Variants in TBX19 observed in about 807,000 individuals in gnomAD.
TBX19 encodes T-box transcription factor TBX19.
Under a neutral mutation model 40.9 loss-of-function variants are expected in TBX19, and 33 were observed. That is an observed-to-expected ratio of 0.81 (90% CI 0.61 to 1.08). The LOEUF (loss-of-function observed/expected upper bound fraction) is 1.08. Ranked by LOEUF, TBX19 falls within the 50% of genes least tolerant of loss-of-function variation. The pLI is 0.00. For missense variants in TBX19, 494 were observed against 574.0 expected (o/e 0.86, Z 1.42); for synonymous variants, 220 against 225.0 (o/e 0.98, Z 0.20).
Position 168,300,453 on chromosome 1 carries a change from T to C in TBX19, c.697T>C (p.Ser233Pro). The C allele has an allele frequency of 6.2e-7, 1 of 1,614,182 alleles. No individual in the cohort carries two copies. The highest frequency in any genetic ancestry group is 1.1e-5 in the South Asian group (1 of 91,068). The change falls in exon 5 of 8, where the codon TCT becomes CCT. Residue 233 changes from serine to proline, a missense_variant. Ser to Pro is a moderately conservative substitution (Grantham distance 74). This residue lies in a region of TBX19 where 284 missense variants were observed against 307.3 expected (regional missense o/e 0.92). Transcript: ENST00000367821. ...CCTAAGAGACGTACCGGAGGCTATC[T>C]CTGAGAGCCAGCATGTGACCTATTC... Reference protein sequence around the residue: ...NHLRDVPEAISESQHVTYSHL... With the variant: ...NHLRDVPEAIPESQHVTYSHL...
intron 4 of TBX19, among the ~76,000 whole-genome samples, chr1:168,298,145 G>A (rs898375660): frequency 3.3e-5 from 5 of 152,158 alleles, no homozygotes; most frequent in Admixed American, 1.3e-4. Flanking sequence ...GCAGTGAGCC[G>A]AGATGGCGCC....
At chr1:168,293,438 T>C (rs1649005593) in intron 3 of TBX19, among the ~76,000 whole-genome samples, 160 bp downstream of exon 3, 1 of 151,526 alleles carries the variant, frequency 6.6e-6, no homozygotes, top group Non-Finnish European at 1.5e-5. Flanking sequence ...AACAATGGAG[T>C]AGCTGCTCTC....
intron 1 of TBX19, among the ~76,000 whole-genome samples, chr1:168,282,065 A>G (rs1648667356): frequency 6.6e-6 from 1 of 152,184 alleles, no homozygotes; most frequent in Non-Finnish European, 1.5e-5. Context: ...TTTTGAAACA[A>G]AATCTCACCG....
intron 5 of TBX19, among the ~76,000 whole-genome samples, chr1:168,302,117 T>G (rs1403063501): frequency 6.6e-6 from 1 of 152,244 alleles, no homozygotes; most frequent in Non-Finnish European, 1.5e-5. Flanking sequence ...TGTTGCAATC[T>G]TCTCAGCAAA....
chr1:168,312,564 T>C, intron 7 of TBX19, 144 bp from the exon 8 acceptor site: 1 of 902,264 alleles, frequency 1.1e-6, no homozygotes, highest in Non-Finnish European at 1.8e-6. Flanking sequence ...AGGACCAATC[T>C]GCGTCATAGC....
chr1:168,307,032 G>A (rs557415082), intron 6 of TBX19, among the ~76,000 whole-genome samples: 1 of 152,250 alleles, frequency 6.6e-6, no homozygotes, highest in South Asian at 2.1e-4. Context: ...CAGAGGTGCA[G>A]GGCATTCCAG....
At chr1:168,291,808 C>A (rs1330604856) in intron 2 of TBX19, among the ~76,000 whole-genome samples, 18 of 152,024 alleles carry the variant, frequency 1.2e-4, no homozygotes, top group Admixed American at 1.2e-3. Context: ...CAAATACCTT[C>A]ATAAAAAGCT....
intron 6 of TBX19, among the ~76,000 whole-genome samples, chr1:168,305,696 A>C (rs1456825175): frequency 6.6e-6 from 1 of 152,224 alleles, no homozygotes; most frequent in East Asian, 1.9e-4. Flanking sequence ...ATGCAAACCC[A>C]ACCTTAGTAT....
At chr1:168,298,501 T>G (rs569966939) in intron 4 of TBX19, among the ~76,000 whole-genome samples, 19 of 152,276 alleles carry the variant, frequency 1.2e-4, no homozygotes, top group Admixed American at 1.2e-3. Flanking sequence ...GGAGACAGGT[T>G]CACATTTCCT....
chr1:168,281,906 A>C (rs12083107), intron 1 of TBX19, among the ~76,000 whole-genome samples: 13,864 of 152,268 alleles, frequency 0.091, 1,193 homozygotes, highest in African/African-American at 0.22. Flanking sequence ...AGAGAAAAGA[A>C]GATGCCTTCT....
At chr1:168,298,756 CTTCCA>C (rs1481594443) in intron 4 of TBX19, among the ~76,000 whole-genome samples, 2 of 140,810 alleles carry the variant, frequency 1.4e-5, no homozygotes, top group Admixed American at 1.4e-4. Context: ...CTTCCCTTCC[CTTCCA>C]TTCCCTTCCC....
At position 168,305,026 on chromosome 1, in the gene TBX19, C is replaced by G. The variant is rs750855442; in HGVS notation, c.746C>G (p.Ser249Cys). ...TYSHLGGWIF[S>C]NPDGVCTAGN... ...ATTTTAGTGGGAGGCTGGATCTTTTCCAATCCAGATGGAGTGTGCACAGCA... is the reference window on the plus strand; with the variant it reads ...ATTTTAGTGGGAGGCTGGATCTTTTGCAATCCAGATGGAGTGTGCACAGCA... Residue 249 changes from serine to cysteine, a missense_variant, in exon 6 of 8, where the codon TCC (serine) becomes TGC (cysteine). Ser to Cys is a moderately radical substitution (Grantham distance 112, BLOSUM62 -1). Transcript: ENST00000367821. 6.2e-7 allele frequency: 1 copy of G among 1,614,092 alleles called. No homozygotes were observed. Among genetic ancestry groups the G allele is most frequent in the Non-Finnish European group, 8.5e-7 (1 of 1,180,022 alleles).
intron 5 of TBX19, 98 bp downstream of exon 5, chr1:168,300,581 A>G (rs891664892): frequency 8.7e-7 from 1 of 1,148,762 alleles, no homozygotes; most frequent in Non-Finnish European, 1.3e-6. Flanking sequence ...CTGCTTAAGG[A>G]CTTCCAAATC....
chr1:168,296,263 G>A (rs926377505), intron 3 of TBX19, among the ~76,000 whole-genome samples: 6 of 152,266 alleles, frequency 3.9e-5, no homozygotes, highest in African/African-American at 1.4e-4. Context: ...TCTTTCTCCT[G>A]ATTTCTTCTC....
intron 5 of TBX19, among the ~76,000 whole-genome samples, chr1:168,302,858 C>T (rs1370390588): frequency 1.3e-5 from 2 of 152,028 alleles, no homozygotes; most frequent in African/African-American, 2.4e-5. Context: ...AATAGAGAGG[C>T]TTTCACTCTT....
chr1:168,312,991 C>A lies in TBX19; in HGVS notation c.1336C>A (p.Leu446Met), dbSNP rs760540576. 1.9e-6 allele frequency: 3 copies of A among 1,614,200 alleles called. No individual in the cohort carries two copies. The Admixed American group carries it at 5.0e-5, about 27-fold the overall frequency. ...GAGGHHSPSSLDG is the reference protein window; with the variant it reads ...GAGGHHSPSSMDG ...GGGTGGGCACCATTCTCCTTCCTCA[C>A]TGGATGGTTAAGCAGGATCCTAGGA... The change falls in exon 8 of 8, where the codon CTG becomes ATG. Residue 446 changes from leucine (L) to methionine (M), a missense_variant. Coordinates refer to ENST00000367821, the MANE Select transcript of TBX19 (RefSeq NM_005149.3).
At chr1:168,297,816 A>T (rs374779946) in intron 4 of TBX19, 31 bp downstream of exon 4, 1 of 1,554,480 alleles carries the variant, frequency 6.4e-7, no homozygotes, top group African/African-American at 1.4e-5. Flanking sequence ...GAAATCTTCT[A>T]ATGAATGATT....
chr1:168,301,533 T>C (rs113461999), intron 5 of TBX19, among the ~76,000 whole-genome samples: 1 of 152,144 alleles, frequency 6.6e-6, no homozygotes, highest in Non-Finnish European at 1.5e-5. Context: ...AGTGCCGGGA[T>C]TACAGGCATG....
rs1310982370 is a variant in TBX19 at position 168,291,162 on chromosome 1, G to A, written c.206G>A (p.Arg69Gln). Residue 69 changes from arginine to glutamine, a missense_variant and splice_region_variant, in exon 2 of 8, where the codon CGG becomes CAG. By Grantham distance (43) the Arg-to-Gln change is conservative. Transcript: ENST00000367821. ...TAAGTTTCTGCCTTTCCTTTTAGACGGATGTTTCCAGTCCTAAAGATTAGT... is the reference window on the plus strand; with the variant it reads ...TAAGTTTCTGCCTTTCCTTTTAGACAGATGTTTCCAGTCCTAAAGATTAGT... ...NEMIVTKNGR[R>Q]MFPVLKISVT... The A allele has an allele frequency of 1.2e-6, 2 of 1,613,880 alleles. No individual in the cohort carries two copies. Among genetic ancestry groups the A allele is most frequent in the Non-Finnish European group, 1.7e-6 (2 of 1,180,032 alleles).
Sources: gnomAD v4.1 joint callset for allele counts (sites outside exome capture counted in the v4.1 genomes callset) on GRCh38, gnomAD v4.1.1 for gene constraint, gnomAD v4.1.1 regional missense constraint, MANE v1.5 for transcripts, NCBI Gene and HGNC (gene_info 2026-07-23, HGNC 2026-07-21) for gene names.